Variants in GLI2 observed in about 807,000 individuals in gnomAD.
The protein encoded by GLI2 is transcription activator GLI2.
In GLI2, 22 loss-of-function variants were observed where a neutral mutation model predicts 78.9. The ratio of observed to expected loss-of-function variants is 0.28; its 90% CI spans 0.20 to 0.40. The LOEUF (loss-of-function observed/expected upper bound fraction) is 0.40. Ranked by LOEUF, GLI2 falls within the 10% of genes least tolerant of loss-of-function variation. The probability of loss-of-function intolerance (pLI) is 1.00; values close to 1 mark genes in which losing one functional copy is unlikely to be tolerated. For synonymous variants in GLI2, 974 were observed against 963.7 expected (o/e 1.01, Z -0.20); for missense variants, 2,097 against 2,213.2 (o/e 0.95, Z 1.05).
chr2:120,911,222 A>G (rs1290178672), intron 2 of GLI2, among the ~76,000 whole-genome samples: 1 of 152,252 alleles, frequency 6.6e-6, no homozygotes, highest in Non-Finnish European at 1.5e-5. Flanking sequence ...GCTGTGACAC[A>G]GATTAGCCAT....
intron 2 of GLI2, among the ~76,000 whole-genome samples, chr2:120,901,385 C>A (rs997105713): frequency 6.6e-6 from 1 of 152,178 alleles, no homozygotes; most frequent in Non-Finnish European, 1.5e-5. Flanking sequence ...AGCTGGATTG[C>A]CTGGGGTGAC....
chr2:120,817,880 A>G (rs1685575829), intron 2 of GLI2, among the ~76,000 whole-genome samples: 1 of 152,176 alleles, frequency 6.6e-6, no homozygotes, highest in African/African-American at 2.4e-5. Flanking sequence ...CCTGAGAACC[A>G]TGTGGCAGGG....
intron 3 of GLI2, among the ~76,000 whole-genome samples, chr2:120,929,867 G>A (rs1679867401): frequency 1.3e-5 from 2 of 152,188 alleles, no homozygotes; most frequent in South Asian, 4.1e-4. Flanking sequence ...AGAAACCTCT[G>A]GAAGGTGCAT....
At chr2:120,835,790 G>A (rs1298052054) in intron 2 of GLI2, among the ~76,000 whole-genome samples, 1 of 152,140 alleles carries the variant, frequency 6.6e-6, no homozygotes, top group Non-Finnish European at 1.5e-5. Context: ...AGATGTGTGT[G>A]TGCGTTTGTG....
At chr2:120,906,280 C>T (rs1000693149) in intron 2 of GLI2, among the ~76,000 whole-genome samples, 1 of 152,192 alleles carries the variant, frequency 6.6e-6, no homozygotes, top group Non-Finnish European at 1.5e-5. Context: ...CCTGTACCAG[C>T]AGGTGGGTGA....
chr2:120,826,271 T>G (rs1208735135), intron 2 of GLI2, among the ~76,000 whole-genome samples: 1 of 152,168 alleles, frequency 6.6e-6, no homozygotes, highest in Admixed American at 6.5e-5. Flanking sequence ...CTCGTCCCAG[T>G]CTGAATGTGC....
Position 120,984,731 on chromosome 2 carries a change from C to T in GLI2, c.1893C>T (p.Thr631=), listed in dbSNP as rs13008360. Residue 631 remains threonine (T), a synonymous_variant, in exon 12 of 14, where the codon ACC becomes ACT. Transcript: ENST00000361492. ...EDCLHVRAIK[T]ESSGLCQSSP... ...GCCTGCACGTCAGAGCCATCAAGAC[C>T]GAGAGCTCCGGGGTAAGCGGAGCTG... 0.026 allele frequency: 42,130 copies of T among 1,612,710 alleles called. 694 individuals are homozygous for T. Among genetic ancestry groups the T allele is most frequent in the Non-Finnish European group, 0.03 (35,221 of 1,179,834 alleles).
At chr2:120,761,825 T>A (rs1477938432) in intron 1 of GLI2, among the ~76,000 whole-genome samples, 2 of 152,128 alleles carry the variant, frequency 1.3e-5, no homozygotes, top group African/African-American at 2.4e-5. Context: ...TTTCTTGGTG[T>A]ATGGCTTGGG....
chr2:120,877,819 T>G (rs988461261), intron 2 of GLI2, among the ~76,000 whole-genome samples: 12 of 152,204 alleles, frequency 7.9e-5, no homozygotes, highest in Admixed American at 2.0e-4. Flanking sequence ...TATTCTGTGC[T>G]GCTTATGAAC....
rs977280767 is a variant in GLI2, at chr2:120,742,050, A to T, written c.-31+5765A>T. Among the ~76,000 whole-genome samples the T allele has an allele frequency of 3.9e-4, 60 of 152,216 alleles. 1 individual carries two copies. The highest frequency in any genetic ancestry group is 8.8e-5 in the Non-Finnish European group (6 of 68,022). On this transcript the variant is annotated intron_variant, in intron 1 of 13. Transcript: ENST00000361492. ...GCCCGCTTCCCCAGGAGGGGCTTCC[A>T]GTTGCCTTTACAGCTGGCGAAGTGA...
intron 2 of GLI2, among the ~76,000 whole-genome samples, chr2:120,895,093 C>T (rs994205096): frequency 2.0e-5 from 3 of 152,208 alleles, no homozygotes; most frequent in Non-Finnish European, 4.4e-5. Context: ...AGGCTTGGGC[C>T]ACCAGGCTGT....
intron 1 of GLI2, among the ~76,000 whole-genome samples, chr2:120,743,900 T>C (rs886134160): frequency 9.2e-5 from 14 of 152,332 alleles, no homozygotes; most frequent in Admixed American, 8.5e-4. Flanking sequence ...AGGGAAGGTC[T>C]TGGGTACCCC....
chr2:120,989,050 G>A lies in GLI2; in HGVS notation c.3085G>A (p.Gly1029Ser). 1 of 1,608,066 alleles carries A rather than the reference G, an allele frequency of 6.2e-7. No individual in the cohort carries two copies. Among genetic ancestry groups the A allele is most frequent in the South Asian group, 1.1e-5 (1 of 91,008 alleles). The change falls in exon 14 of 14, where the codon GGC (glycine) becomes AGC (serine). Residue 1029 changes from glycine (G) to serine (S), a missense_variant. Transcript: ENST00000361492. ...GGAGGCCGTGGCGGCAGGAGTGGAC[G>A]GCGCGGGGCCCGAGGCCGACCTGGG... ...AMEAVAAGVD[G>S]AGPEADLGLP... is the part of the protein sequence containing the mutation.
intron 2 of GLI2, among the ~76,000 whole-genome samples, chr2:120,847,229 G>GCTC (rs1314029424): frequency 2.0e-5 from 3 of 152,124 alleles, no homozygotes; most frequent in Non-Finnish European, 4.4e-5. Context: ...GCACTGTGCT[G>GCTC]AGGGCTCGTC....
chr2:120,951,222 G>T (rs767375449), intron 3 of GLI2, 21 bp from the exon 4 acceptor site: 5 of 1,441,620 alleles, frequency 3.5e-6, no homozygotes, highest in Non-Finnish European at 4.9e-6. Context: ...CTTCTTAGAC[G>T]GCTGCCCATT....
chr2:120,988,258 C>T lies in GLI2; in HGVS notation c.2293C>T (p.Leu765=), dbSNP rs1188643606. ...SGSGGGGPAG[L]LPNPRLSELS... is the part of the protein sequence containing the mutation. The stretch of plus-strand genomic sequence containing the variant: ...CAGTGGGGGCGGCGGGCCCGCGGGG[C>T]TGCTGCCGAACCCGCGGCTGTCGGA... The change falls in exon 14 of 14, where the codon CTG becomes TTG. Residue 765 remains leucine, a synonymous_variant. Coordinates refer to ENST00000361492, the MANE Select transcript of GLI2 (RefSeq NM_001374353.1). 1 of 1,573,106 alleles carries T rather than the reference C, an allele frequency of 6.4e-7. No homozygotes were observed. Among genetic ancestry groups the T allele is most frequent in the Non-Finnish European group, 8.6e-7 (1 of 1,165,136 alleles).
At chr2:120,765,565 G>A (rs13413815) in intron 1 of GLI2, among the ~76,000 whole-genome samples, 1,548 of 152,310 alleles carry the variant, frequency 0.01, 19 homozygotes, top group African/African-American at 0.035. Context: ...TACCCAGGCC[G>A]GGGCTGGAAG....
chr2:120,813,804 T>C (rs1391117973), intron 2 of GLI2, among the ~76,000 whole-genome samples: 2 of 152,202 alleles, frequency 1.3e-5, no homozygotes, highest in African/African-American at 4.8e-5. Context: ...TTCCCCACCA[T>C]CCAAGGGAAG....
chr2:120,862,679 C>T (rs1687956387), intron 2 of GLI2, among the ~76,000 whole-genome samples: 1 of 152,160 alleles, frequency 6.6e-6, no homozygotes, highest in Admixed American at 6.5e-5. Context: ...TGAGGAAATG[C>T]ACAATATCTT....
Sources: gnomAD v4.1 joint callset for allele counts (sites outside exome capture counted in the v4.1 genomes callset) on GRCh38, gnomAD v4.1.1 for gene constraint, MANE v1.5 for transcripts, NCBI Gene and HGNC (gene_info 2026-07-23, HGNC 2026-07-21) for gene names.